The following GMDS variants were observed in gnomAD, a reference collection of about 807,000 sequenced individuals.
GMDS encodes the protein GDP-mannose 4,6 dehydratase.
GMDS carries 20 observed loss-of-function variants against 49.9 expected under a neutral mutation model. The observed-to-expected ratio is 0.40, with a 90% confidence interval of 0.28 to 0.58. The LOEUF (loss-of-function observed/expected upper bound fraction) is 0.58. Ranked by LOEUF, GMDS falls within the 20% of genes least tolerant of loss-of-function variation. GMDS has a pLI of 0.42. For synonymous variants in GMDS, 177 were observed against 178.6 expected (o/e 0.99, Z 0.07); for missense variants, 362 against 481.4 (o/e 0.75, Z 2.32).
intron 8 of GMDS, among the ~76,000 whole-genome samples, chr6:1,732,507 T>C (rs6928775): frequency 0.84 from 127,152 of 152,156 alleles, 53,627 homozygotes; most frequent in East Asian, 1. Flanking sequence ...GGCAAAACTC[T>C]TGTTTTGAAT....
At chr6:2,166,309 C>T (rs1416394693) in intron 1 of GMDS, among the ~76,000 whole-genome samples, 1 of 152,186 alleles carries the variant, frequency 6.6e-6, no homozygotes, top group Non-Finnish European at 1.5e-5. Flanking sequence ...AAGAAAAGCC[C>T]AACTGTTCCC....
At chr6:1,762,544 T>C (rs574554751) in intron 7 of GMDS, among the ~76,000 whole-genome samples, 57 of 152,380 alleles carry the variant, frequency 3.7e-4, no homozygotes, top group Non-Finnish European at 6.0e-4. Flanking sequence ...AATGTACTTA[T>C]TGATCACACA....
intron 1 of GMDS, among the ~76,000 whole-genome samples, chr6:2,181,716 T>C (rs1382578824): frequency 5.3e-5 from 8 of 152,162 alleles, no homozygotes. Flanking sequence ...TACAAAATGG[T>C]AAATGTAATC....
At chr6:1,643,756 A>G (rs1763405182) in intron 9 of GMDS, among the ~76,000 whole-genome samples, 1 of 151,952 alleles carries the variant, frequency 6.6e-6, no homozygotes, top group Non-Finnish European at 1.5e-5. Context: ...GCAGACTAAA[A>G]CCCATTGATC....
At chr6:1,698,483 G>A (rs892879601) in intron 9 of GMDS, among the ~76,000 whole-genome samples, 2 of 152,230 alleles carry the variant, frequency 1.3e-5, no homozygotes, top group Non-Finnish European at 2.9e-5. Flanking sequence ...AAAGAGTTGA[G>A]TATTTTGTGG....
At chr6:2,144,338 G>A (rs998382954) in intron 1 of GMDS, among the ~76,000 whole-genome samples, 1 of 152,182 alleles carries the variant, frequency 6.6e-6, no homozygotes, top group Non-Finnish European at 1.5e-5. Flanking sequence ...CAGGAGGCCC[G>A]CCATGCAGGC....
intron 9 of GMDS, among the ~76,000 whole-genome samples, chr6:1,631,443 A>C (rs1215823686): frequency 6.6e-6 from 1 of 152,106 alleles, no homozygotes; most frequent in Non-Finnish European, 1.5e-5. Flanking sequence ...AATTTTCCTT[A>C]AGCTTGTTTC....
intron 7 of GMDS, among the ~76,000 whole-genome samples, chr6:1,802,021 C>T (rs1462498859): frequency 6.6e-6 from 1 of 152,114 alleles, no homozygotes; most frequent in Non-Finnish European, 1.5e-5. Context: ...TTGCCAGTAA[C>T]AAAATTGGGA....
At chr6:1,998,765 C>T (rs949229161) in intron 4 of GMDS, among the ~76,000 whole-genome samples, 1 of 152,136 alleles carries the variant, frequency 6.6e-6, no homozygotes, top group African/African-American at 2.4e-5. Context: ...CATCATTTTA[C>T]ATAAGCAACT....
intron 6 of GMDS, among the ~76,000 whole-genome samples, chr6:1,939,092 G>C (rs954690916): frequency 6.6e-6 from 1 of 150,814 alleles, no homozygotes; most frequent in Non-Finnish European, 1.5e-5. Context: ...TTTACATTCT[G>C]TTCTTGCTTG....
Position 1,719,460 on chromosome 6 carries a change from T to TA in GMDS, c.987+6955dup, listed in dbSNP as rs1210885936. On this transcript the variant is annotated intron_variant, in intron 9 of 10. Coordinates refer to ENST00000380815, the MANE Select transcript of GMDS (RefSeq NM_001500.4). ...GTGCTGGGAAAACAATCAAATTTGA[T>TA]AAAAAATAATTAACTTTATCGAGAG... 4.6e-5 allele frequency among the ~76,000 whole-genome samples: 7 copies of TA among 152,212 alleles called. No individual in the cohort carries two copies. In the East Asian group the frequency reaches 1.4e-3, roughly 29 times the overall value.
intron 7 of GMDS, among the ~76,000 whole-genome samples, chr6:1,865,509 G>C (rs1207947691): frequency 6.6e-6 from 1 of 152,124 alleles, no homozygotes; most frequent in African/African-American, 2.4e-5. Context: ...AAGAGAAGCA[G>C]ATTAAATGAC....
At chr6:1,813,423 C>G (rs1770529856) in intron 7 of GMDS, among the ~76,000 whole-genome samples, 1 of 152,102 alleles carries the variant, frequency 6.6e-6, no homozygotes, top group East Asian at 1.9e-4. Flanking sequence ...ATTTTAGAAA[C>G]TGCTACTCCT....
chr6:2,133,105 G>C (rs567375906), intron 1 of GMDS, among the ~76,000 whole-genome samples: 1 of 152,036 alleles, frequency 6.6e-6, no homozygotes, highest in Admixed American at 6.5e-5. Flanking sequence ...CTAATCACTC[G>C]AGTGATTTAT....
At chr6:1,942,366 G>A (rs536270493) in intron 6 of GMDS, among the ~76,000 whole-genome samples, 2 of 152,284 alleles carry the variant, frequency 1.3e-5, no homozygotes, top group Non-Finnish European at 1.5e-5. Context: ...ATTCCCCAAA[G>A]CATGCTTTGG....
At chr6:1,690,822 A>T (rs1001085018) in intron 9 of GMDS, among the ~76,000 whole-genome samples, 1 of 152,210 alleles carries the variant, frequency 6.6e-6, no homozygotes, top group Non-Finnish European at 1.5e-5. Context: ...TACCATCTCA[A>T]ACCAGTCAGA....
chr6:2,177,976 T>C (rs1778358478), intron 1 of GMDS, among the ~76,000 whole-genome samples: 1 of 152,294 alleles, frequency 6.6e-6, no homozygotes, highest in Non-Finnish European at 1.5e-5. Flanking sequence ...CAAAATTGTG[T>C]CCTTTGCAGC....
At chr6:2,167,712 A>G (rs950275492) in intron 1 of GMDS, among the ~76,000 whole-genome samples, 1 of 152,102 alleles carries the variant, frequency 6.6e-6, no homozygotes, top group African/African-American at 2.4e-5. Context: ...CCTGCCTGAA[A>G]AAAACCCAGC....
chr6:2,165,035 AT>A (rs572875669), intron 1 of GMDS, among the ~76,000 whole-genome samples: 6 of 152,220 alleles, frequency 3.9e-5, no homozygotes, highest in Non-Finnish European at 7.3e-5. Context: ...AGATCATGCC[AT>A]GGCCTATCAG....
Sources: gnomAD v4.1 joint callset for allele counts (sites outside exome capture counted in the v4.1 genomes callset) on GRCh38, gnomAD v4.1.1 for gene constraint, MANE v1.5 for transcripts, NCBI Gene and HGNC (gene_info 2026-07-23, HGNC 2026-07-21) for gene names.